ZC3H7A: variants seen among roughly 807,000 people sequenced by gnomAD.
ZC3H7A encodes the protein zinc finger CCCH-type containing 7A.
A neutral mutation model predicts 125.5 loss-of-function variants in ZC3H7A; 44 were observed. The observed-to-expected ratio is 0.35, with a 90% CI of 0.28 to 0.45. The LOEUF is 0.45. Ranked by LOEUF, ZC3H7A falls within the 20% of genes least tolerant of loss-of-function variation. The probability of loss-of-function intolerance (pLI) is 1.00; values close to 1 mark genes in which losing one functional copy is unlikely to be tolerated. For missense variants in ZC3H7A, 977 were observed against 1,170.7 expected, an observed-to-expected ratio of 0.83 and a Z score of 2.41; for synonymous variants, 399 against 391.2, an observed-to-expected ratio of 1.02 and a Z score of -0.23.
At chr16:11,764,419 C>T (rs909855311) in intron 15 of ZC3H7A, among the ~76,000 whole-genome samples, 2 of 152,018 alleles carry the variant, frequency 1.3e-5, no homozygotes, top group East Asian at 1.9e-4. Flanking sequence ...TGTGGTGGCA[C>T]GTGCCTGTAA....
intron 1 of ZC3H7A, 157 bp downstream of exon 1, chr16:11,796,967 T>A (rs1422853784): frequency 6.8e-6 from 1 of 146,480 alleles, no homozygotes; most frequent in Non-Finnish European, 1.5e-5. Context: ...CAGGGTCCTC[T>A]CGGGTCCGCG....
rs774187742 is a variant in ZC3H7A at position 11,774,450 on chromosome 16, A to G, written c.689T>C (p.Val230Ala). 3.6e-5 allele frequency: 58 copies of G among 1,594,558 alleles called. No homozygotes were observed. Among genetic ancestry groups the G allele is most frequent in the Non-Finnish European group, 4.3e-5 (50 of 1,168,252 alleles). Residue 230 changes from valine to alanine, a missense_variant, in exon 9 of 23, where the codon GTT becomes GCT. Val to Ala is a moderately conservative substitution (Grantham distance 64). This residue lies in a region of ZC3H7A where 342 missense variants were observed against 311.3 expected (regional missense o/e 1.10). Coordinates refer to ENST00000355758, the MANE Select transcript of ZC3H7A (RefSeq NM_014153.4). Reference protein sequence around the residue: ...SLPAPSFSHEVGSELASVPVM... With the variant: ...SLPAPSFSHEAGSELASVPVM... ...AGGAACTGAGGCCAGCTCACTTCCA[A>G]CTTCATGAGAAAAACTGGGTGCCGG...
chr16:11,797,043 G>C (rs1422800408), intron 1 of ZC3H7A, 81 bp downstream of exon 1: 1 of 143,386 alleles, frequency 7.0e-6, no homozygotes, highest in Non-Finnish European at 1.5e-5. Context: ...GCGCGAGCAC[G>C]AGGCGGCGGC....
chr16:11,759,229 C>G (rs537285143), intron 19 of ZC3H7A: 5 of 152,332 alleles, frequency 3.3e-5, no homozygotes, highest in African/African-American at 9.6e-5. Context: ...AAGAAAACCT[C>G]CATCACGGAG....
chr16:11,775,827 A>C (rs2053070400), intron 7 of ZC3H7A, among the ~76,000 whole-genome samples: 1 of 152,162 alleles, frequency 6.6e-6, no homozygotes, highest in Admixed American at 6.6e-5. Flanking sequence ...GTTACAGCTA[A>C]AATATATTAC....
intron 9 of ZC3H7A, among the ~76,000 whole-genome samples, chr16:11,772,614 C>T: frequency 6.6e-6 from 1 of 151,688 alleles, no homozygotes; most frequent in South Asian, 2.1e-4. Context: ...CCCTGGAAAA[C>T]AGCTCGGAAT....
At chr16:11,779,415 A>G (rs371898557) in intron 3 of ZC3H7A, 52 bp from the exon 4 acceptor site, 2 of 1,522,770 alleles carry the variant, frequency 1.3e-6, no homozygotes, top group East Asian at 2.3e-5. Flanking sequence ...AAGATATGGT[A>G]TAAGTAAATT....
At position 11,797,145 on chromosome 16, in the gene ZC3H7A, CGGCGGCAGAAGGCAGGCGGAGGCG is replaced by C. The variant is rs2053455343; in HGVS notation, c.-80_-57del. ...CTACCTGTGGGGACGACGCGCCGGC[CGGCGGCAGAAGGCAGGCGGAGGCG>C]GGCGGCGGCAGGCGGGCAGCGGTGG... On this transcript the variant is annotated 5_prime_UTR_variant, in exon 1 of 23. Coordinates refer to ENST00000355758, the MANE Select transcript of ZC3H7A (RefSeq NM_014153.4). The C allele has an allele frequency of 6.6e-6, 1 of 151,844 alleles. No individual in the cohort carries two copies. The highest frequency in any genetic ancestry group is 2.4e-5 in the African/African-American group (1 of 40,840). The allele number at this position is 151,844 out of a possible 1,614,324, so 9.4% of individuals were successfully genotyped here.
At position 11,769,058 on chromosome 16, in the gene ZC3H7A, A is replaced by T; in HGVS notation, c.1146T>A (p.Leu382=). ...GTAAAAGGGAAGAATTACTGTTGTT[A>T]AGCGGTGTTCCCTCTCTAGAAGTTG... ...STSTSREGTP[L]NNSNSSLLLM... Residue 382 remains leucine, a synonymous_variant, in exon 11 of 23, where the codon CTT becomes CTA. Coordinates refer to ENST00000355758, the MANE Select transcript of ZC3H7A (RefSeq NM_014153.4). 6.2e-7 allele frequency: 1 copy of T among 1,610,590 alleles called. No homozygotes were observed. Among genetic ancestry groups the T allele is most frequent in the Non-Finnish European group, 8.5e-7 (1 of 1,178,752 alleles).
In ZC3H7A at chr16:11,751,450, G is replaced by T; in HGVS notation, c.2783C>A (p.Ala928Asp). The T allele has an allele frequency of 6.2e-7, 1 of 1,614,066 alleles. No individual in the cohort carries two copies. Among genetic ancestry groups the T allele is most frequent in the Non-Finnish European group, 8.5e-7 (1 of 1,180,014 alleles). ...TCTTTCTTCCCATTCATGAAGTTCGGCATTTCCATGTGCAAATTTACAGCT... is the reference window on the plus strand; with the variant it reads ...TCTTTCTTCCCATTCATGAAGTTCGTCATTTCCATGTGCAAATTTACAGCT... ...GNSCKFAHGN[A>D]ELHEWEERRD... The change falls in exon 23 of 23, where the codon GCC (alanine) becomes GAC (aspartate). Residue 928 changes from alanine to aspartate, a missense_variant. By Grantham distance (126) the Ala-to-Asp change is moderately radical. This residue lies in a region of ZC3H7A where 436 missense variants were observed against 603.2 expected (regional missense o/e 0.72). Transcript: ENST00000355758.
At chr16:11,772,061 T>A (rs1215475554) in intron 9 of ZC3H7A, among the ~76,000 whole-genome samples, 1 of 151,810 alleles carries the variant, frequency 6.6e-6, no homozygotes, top group African/African-American at 2.4e-5. Context: ...CCGGGCGTGG[T>A]AGCGGGCACC....
At chr16:11,754,557 TA>T (rs979849743) in intron 21 of ZC3H7A, among the ~76,000 whole-genome samples, 2 of 151,896 alleles carry the variant, frequency 1.3e-5, no homozygotes, top group African/African-American at 2.4e-5. Context: ...TATGCTTATG[TA>T]AACTTTTAAA....
intron 1 of ZC3H7A, among the ~76,000 whole-genome samples, chr16:11,793,908 C>T (rs139605642): frequency 1.3e-5 from 2 of 152,156 alleles, no homozygotes; most frequent in African/African-American, 2.4e-5. Flanking sequence ...TTCTTCCCCC[C>T]ACAGGAACTA....
rs183625401 is a variant in ZC3H7A, at chr16:11,780,170, G to A, written c.109-807C>T. On this transcript the variant is annotated intron_variant, in intron 3 of 22. Coordinates refer to ENST00000355758, the MANE Select transcript of ZC3H7A (RefSeq NM_014153.4). ...AGAGTCTTACTCTGGCACCCAGGCTGGAGTGCAGTGGCACGATCTCGGCTC... is the reference window on the plus strand; with the variant it reads ...AGAGTCTTACTCTGGCACCCAGGCTAGAGTGCAGTGGCACGATCTCGGCTC... Among the ~76,000 whole-genome samples, 318 of 147,948 alleles carry A rather than the reference G, an allele frequency of 2.1e-3. 2 individuals carry two copies. The highest frequency in any genetic ancestry group is 7.7e-3 in the African/African-American group (304 of 39,584).
intron 12 of ZC3H7A, among the ~76,000 whole-genome samples, chr16:11,767,916 G>T (rs1246490237): frequency 6.6e-6 from 1 of 152,086 alleles, no homozygotes; most frequent in African/African-American, 2.4e-5. Context: ...TATGAAACAA[G>T]CTAACAGAAA....
Position 11,756,223 on chromosome 16 carries a change from C to T in ZC3H7A, c.2562+14G>A, listed in dbSNP as rs775609044. ...GGCTCGGCAAAGAGAGGGTAAATGA[C>T]GCACGGTACTCACTGTAACTTCAGC... On this transcript the variant is annotated intron_variant, in intron 21 of 22. Coordinates refer to ENST00000355758, the MANE Select transcript of ZC3H7A (RefSeq NM_014153.4). The T allele has an allele frequency of 2.0e-5, 32 of 1,600,694 alleles. No individual in the cohort carries two copies. The highest frequency in any genetic ancestry group is 5.4e-5 in the Admixed American group (3 of 55,988).
chr16:11,782,475 ACAAT>A, intron 1 of ZC3H7A, 87 bp from the exon 2 acceptor site: 1 of 1,110,138 alleles, frequency 9.0e-7, no homozygotes, highest in South Asian at 1.3e-5. Context: ...ACCTTGTCAC[ACAAT>A]CAGCTGTGGA....
chr16:11,774,515 T>C lies in ZC3H7A; in HGVS notation c.624A>G (p.Leu208=), dbSNP rs1472161505. The C allele has an allele frequency of 2.6e-6, 4 of 1,530,438 alleles. No homozygotes were observed. Among genetic ancestry groups the C allele is most frequent in the Non-Finnish European group, 3.5e-6 (4 of 1,138,170 alleles). 94.8% of individuals were successfully genotyped at this position (1,530,438 alleles called of 1,614,324 possible). ...NHSVEDIEPD[L]LTPRQEAVPV... is the part of the protein sequence containing the mutation. Reference sequence around the variant, plus strand: ...GAACTGCTTCTTGCCTTGGAGTTAATAAATCTGTAACACAGATGGAAATGT... The same window carrying C: ...GAACTGCTTCTTGCCTTGGAGTTAACAAATCTGTAACACAGATGGAAATGT... The change falls in exon 9 of 23, where the codon TTA becomes TTG. Residue 208 remains leucine, a synonymous_variant. Coordinates refer to ENST00000355758, the MANE Select transcript of ZC3H7A (RefSeq NM_014153.4).
chr16:11,765,733 T>A lies in ZC3H7A; in HGVS notation c.1523-48A>T, dbSNP rs780978523. On this transcript the variant is annotated intron_variant, in intron 13 of 22. Coordinates refer to ENST00000355758, the MANE Select transcript of ZC3H7A (RefSeq NM_014153.4). The surrounding 1 kb of genome is among the most constrained non-coding windows in gnomAD (Gnocchi z 4.8). ...GACATTGAAAACATGGCAATTGGCC[T>A]GTACTCCCAGCTACTTGGGAGGCTG... 2.6e-6 allele frequency: 4 copies of A among 1,561,964 alleles called. No homozygotes were observed. The highest frequency in any genetic ancestry group is 3.5e-6 in the Non-Finnish European group (4 of 1,148,908).
Sources: allele counts gnomAD v4.1 joint callset (sites outside exome capture counted in the v4.1 genomes callset), GRCh38; gene constraint gnomAD v4.1.1; regional missense constraint gnomAD v4.1.1; non-coding constraint Gnocchi (gnomAD v3.1); transcripts MANE v1.5; gene names NCBI Gene and HGNC (gene_info 2026-07-23, HGNC 2026-07-21).